The following PTPRD variants were observed in gnomAD, a reference collection of about 807,000 sequenced individuals.
The protein encoded by PTPRD is receptor-type tyrosine-protein phosphatase delta.
Under a neutral mutation model 214.5 loss-of-function variants are expected in PTPRD, and 34 were observed. That is an observed-to-expected ratio of 0.16 (90% CI 0.12 to 0.21). The LOEUF (loss-of-function observed/expected upper bound fraction) is 0.21. PTPRD is among the 10% of genes least tolerant of loss of function. The probability of loss-of-function intolerance (pLI) is 1.00; values close to 1 mark genes in which losing one functional copy is unlikely to be tolerated. For missense variants in PTPRD, 2,545 were observed against 2,398.7 expected, an observed-to-expected ratio of 1.06 and a Z score of -1.27; for synonymous variants, 1,128 against 845.7, an observed-to-expected ratio of 1.33 and a Z score of -5.79.
At chr9:8,714,396 G>A (rs2098407223) in intron 12 of PTPRD, among the ~76,000 whole-genome samples, 1 of 151,636 alleles carries the variant, frequency 6.6e-6, no homozygotes, top group Non-Finnish European at 1.5e-5. Context: ...TTTGAGCCTT[G>A]GCACAAGCTT....
Position 9,870,923 on chromosome 9 carries a change from A to G in PTPRD, c.-368+67584T>C, listed in dbSNP as rs945708805. On this transcript the variant is annotated intron_variant, in intron 5 of 45. Coordinates refer to ENST00000381196, the MANE Select transcript of PTPRD (RefSeq NM_002839.4). ...TACATTCAACTTTCTGTACATGTGA[A>G]GTTTGTGTGGCAAAGAGTTGGAGAG... Among the ~76,000 whole-genome samples, 14 of 152,140 alleles carry G rather than the reference A, an allele frequency of 9.2e-5. 1 individual carries two copies. The highest frequency in any genetic ancestry group is 3.1e-4 in the African/African-American group (13 of 41,442).
intron 3 of PTPRD, among the ~76,000 whole-genome samples, chr9:10,094,283 T>C (rs759059976): frequency 2.0e-5 from 3 of 151,224 alleles, no homozygotes; most frequent in Admixed American, 6.6e-5. Context: ...AGACCTATTA[T>C]GATGGCTTTA....
At chr9:8,644,823 C>T (rs1401951655) in intron 12 of PTPRD, among the ~76,000 whole-genome samples, 1 of 152,214 alleles carries the variant, frequency 6.6e-6, no homozygotes, top group Admixed American at 6.5e-5. Context: ...CCATTCCATG[C>T]CTGACTCGCA....
intron 8 of PTPRD, among the ~76,000 whole-genome samples, chr9:9,452,388 A>T (rs906561850): frequency 5.3e-5 from 8 of 151,576 alleles, no homozygotes; most frequent in Non-Finnish European, 1.2e-4. Context: ...TTAAATCAAA[A>T]TAAATCTTTC....
At chr9:10,599,656 A>C (rs144050211) in intron 2 of PTPRD, among the ~76,000 whole-genome samples, 2,596 of 151,910 alleles carry the variant, frequency 0.017, 33 homozygotes, top group South Asian at 0.038. Flanking sequence ...GAAAATTTCC[A>C]AACTATTCTT....
At chr9:9,991,496 G>A (rs1375785499) in intron 4 of PTPRD, among the ~76,000 whole-genome samples, 2 of 151,770 alleles carry the variant, frequency 1.3e-5, no homozygotes, top group Middle Eastern at 3.4e-3. Context: ...CGAGTAGCTG[G>A]GATTACAGGC....
intron 8 of PTPRD, among the ~76,000 whole-genome samples, chr9:9,502,358 A>C (rs757337579): frequency 6.6e-6 from 1 of 151,706 alleles, no homozygotes; most frequent in Non-Finnish European, 1.5e-5. Flanking sequence ...TATAAGTGGG[A>C]TCTTGTAGTG....
Position 8,482,435 on chromosome 9 carries a change from C to T in PTPRD, c.3413+1684G>A, listed in dbSNP as rs72694710. 7.6e-3 allele frequency among the ~76,000 whole-genome samples: 1,154 copies of T among 152,000 alleles called. 6 individuals are homozygous for T. The highest frequency in any genetic ancestry group is 0.02 in the African/African-American group (821 of 41,464). ...ATTTTCTCTACCACTATCTCTATGGCGCTCCCATCTATCCAAATTCCAACA... is the reference window on the plus strand; with the variant it reads ...ATTTTCTCTACCACTATCTCTATGGTGCTCCCATCTATCCAAATTCCAACA... On this transcript the variant is annotated intron_variant, in intron 30 of 45. Coordinates refer to ENST00000381196, the MANE Select transcript of PTPRD (RefSeq NM_002839.4).
At chr9:8,354,292 G>T (rs965320057) in intron 39 of PTPRD, among the ~76,000 whole-genome samples, 6 of 151,754 alleles carry the variant, frequency 4.0e-5, no homozygotes, top group Non-Finnish European at 7.4e-5. Context: ...AACACAAGAA[G>T]TAACAGCAAA....
intron 3 of PTPRD, among the ~76,000 whole-genome samples, chr9:10,326,913 T>C (rs2096652996): frequency 6.6e-6 from 1 of 151,398 alleles, no homozygotes; most frequent in Non-Finnish European, 1.5e-5. Flanking sequence ...TAAAATTTAT[T>C]TGGAATACAA....
At chr9:10,552,715 T>G (rs1037940569) in intron 2 of PTPRD, among the ~76,000 whole-genome samples, 4 of 152,102 alleles carry the variant, frequency 2.6e-5, no homozygotes, top group African/African-American at 7.2e-5. Flanking sequence ...TCTATTTCCT[T>G]TCAGTCTTCT....
At chr9:8,672,018 A>T (rs1482572101) in intron 12 of PTPRD, among the ~76,000 whole-genome samples, 1 of 152,202 alleles carries the variant, frequency 6.6e-6, no homozygotes, top group Non-Finnish European at 1.5e-5. Flanking sequence ...GTTTTCATTC[A>T]CAAGTTTTCA....
intron 2 of PTPRD, among the ~76,000 whole-genome samples, chr9:10,359,766 A>G (rs1052154909): frequency 5.9e-5 from 9 of 152,160 alleles, no homozygotes; most frequent in Non-Finnish European, 1.2e-4. Context: ...CTGCTTAACA[A>G]TTTTAGTGTA....
At chr9:8,748,432 G>T (rs7862046) in intron 11 of PTPRD, among the ~76,000 whole-genome samples, 3 of 148,808 alleles carry the variant, frequency 2.0e-5, no homozygotes, top group Non-Finnish European at 4.4e-5. Flanking sequence ...CCAGGCATTC[G>T]AGCCGGCAAC....
At chr9:9,275,199 T>TTATA (rs1188297359) in intron 9 of PTPRD, among the ~76,000 whole-genome samples, 1 of 10,402 alleles carries the variant, frequency 9.6e-5, no homozygotes, top group East Asian at 1.5e-3. Context: ...TATATATATA[T>TTATA]TATATATATA....
intron 4 of PTPRD, among the ~76,000 whole-genome samples, chr9:9,950,861 GA>G (rs1777046566): frequency 1.3e-5 from 2 of 151,692 alleles, no homozygotes; most frequent in Non-Finnish European, 2.9e-5. Context: ...TATTACATGG[GA>G]GTATGGTCTC....
At chr9:10,372,408 G>C (rs2097645262) in intron 2 of PTPRD, among the ~76,000 whole-genome samples, 1 of 151,882 alleles carries the variant, frequency 6.6e-6, no homozygotes. Flanking sequence ...AGATATTTTT[G>C]TCATGTAATT....
intron 4 of PTPRD, among the ~76,000 whole-genome samples, chr9:10,024,599 G>C (rs528291927): frequency 6.6e-5 from 10 of 151,998 alleles, no homozygotes; most frequent in African/African-American, 2.4e-4. Context: ...AATCCTTCAA[G>C]AAATTTAGAA....
At chr9:9,353,983 CTCTT>C (rs57926317) in intron 9 of PTPRD, among the ~76,000 whole-genome samples, 1,638 of 151,782 alleles carry the variant, frequency 0.011, 22 homozygotes, top group African/African-American at 0.037. Context: ...ACTGCGGTCA[CTCTT>C]TCTTTCTCGA....
Sources: allele counts gnomAD v4.1 joint callset (sites outside exome capture counted in the v4.1 genomes callset), GRCh38; gene constraint gnomAD v4.1.1; transcripts MANE v1.5; gene names NCBI Gene and HGNC (gene_info 2026-07-23, HGNC 2026-07-21).